Variants in HAUS8 observed in about 807,000 individuals in gnomAD.
The protein encoded by HAUS8 is HAUS augmin-like complex subunit 8.
In HAUS8, 38 loss-of-function variants were observed where a neutral mutation model predicts 42.9. That is an observed-to-expected ratio of 0.89 (90% CI 0.68 to 1.16). HAUS8 has a LOEUF of 1.16. HAUS8 is among the 50% of genes most tolerant of loss of function. The probability of loss-of-function intolerance (pLI) is 0.00; values close to 1 mark genes in which losing one functional copy is unlikely to be tolerated. For missense variants in HAUS8, 494 were observed against 511.6 expected (o/e 0.97, Z 0.33); for synonymous variants, 199 against 205.8 (o/e 0.97, Z 0.28).
intron 3 of HAUS8, among the ~76,000 whole-genome samples, chr19:17,064,059 G>A (rs906767971): frequency 2.4e-4 from 36 of 152,120 alleles, no homozygotes; most frequent in Admixed American, 2.2e-3. Flanking sequence ...CAGGACACAC[G>A]ATCAATATGT....
chr19:17,069,635 C>T (rs2057409298), intron 2 of HAUS8, among the ~76,000 whole-genome samples: 1 of 151,606 alleles, frequency 6.6e-6, no homozygotes, highest in Admixed American at 6.6e-5. Flanking sequence ...TCCAGGGCTA[C>T]TCCTGGGAGC....
chr19:17,061,089 T>G (rs2057358011), intron 4 of HAUS8, among the ~76,000 whole-genome samples: 1 of 151,894 alleles, frequency 6.6e-6, no homozygotes, highest in African/African-American at 2.4e-5. Context: ...GCACATGCCC[T>G]CAGGGCACAG....
At position 17,052,874 on chromosome 19, in the gene HAUS8, G is replaced by GT; in HGVS notation, c.879dup (p.Leu294ThrfsTer14). 6.2e-7 allele frequency: 1 copy of GT among 1,614,192 alleles called. No homozygotes were observed. Among genetic ancestry groups the GT allele is most frequent in the Non-Finnish European group, 8.5e-7 (1 of 1,180,030 alleles). The stretch of plus-strand genomic sequence containing the variant: ...GCCGTCACGTCCTTGAGTTCGCTCA[G>GT]TAAGTCCAGCACCTGCACATTTTCT... On this transcript the variant is annotated frameshift_variant, in exon 10 of 11. Coordinates refer to ENST00000253669, the MANE Select transcript of HAUS8 (RefSeq NM_033417.2). LOFTEE classifies it low-confidence loss of function (END_TRUNC).
At chr19:17,072,338 C>CTTTTTTT (rs71180355) in intron 2 of HAUS8, among the ~76,000 whole-genome samples, 17 of 87,530 alleles carry the variant, frequency 1.9e-4, no homozygotes, top group East Asian at 3.3e-4. Flanking sequence ...CGAGCATTTC[C>CTTTTTTT]TTTTTTTTTT....
In HAUS8 at chr19:17,058,571, A is replaced by C; in HGVS notation, c.623T>G (p.Leu208Arg). ...RLLLSQRKRELADVLDAQIEM... is the reference protein window; with the variant it reads ...RLLLSQRKRERADVLDAQIEM... ...GACCTGGGCATCCAGGACATCTGCC[A>C]GCTCCCGCTTCCTCTGAGAGAGGAG... The change falls in exon 8 of 11, where the codon CTG becomes CGG. Residue 208 changes from leucine (L) to arginine (R), a missense_variant. Transcript: ENST00000253669. 6.2e-7 allele frequency: 1 copy of C among 1,603,534 alleles called. No homozygotes were observed. Among genetic ancestry groups the C allele is most frequent in the Non-Finnish European group, 8.5e-7 (1 of 1,176,622 alleles).
chr19:17,073,180 A>G, intron 2 of HAUS8, 94 bp downstream of exon 2: 1 of 1,103,694 alleles, frequency 9.1e-7, no homozygotes, highest in Non-Finnish European at 1.4e-6. Context: ...GTAAAGCCAC[A>G]GGCCCCCTTC....
intron 8 of HAUS8, among the ~76,000 whole-genome samples, chr19:17,058,170 T>C (rs2057337299): frequency 6.6e-6 from 1 of 152,218 alleles, no homozygotes; most frequent in Non-Finnish European, 1.5e-5. Flanking sequence ...TTTGTTCCTG[T>C]CCTTCTCCCA....
chr19:17,071,144 C>A (rs982008800), intron 2 of HAUS8, among the ~76,000 whole-genome samples: 11 of 152,050 alleles, frequency 7.2e-5, no homozygotes, highest in African/African-American at 2.7e-4. Context: ...TGAAGAGGCC[C>A]GGGGAGAGTG....
intron 9 of HAUS8, 90 bp from the exon 10 acceptor site, chr19:17,053,056 G>A (rs2057297919): frequency 6.7e-7 from 1 of 1,496,318 alleles, no homozygotes. Context: ...CTTCTGTCAT[G>A]ATGCTCGGCT....
chr19:17,061,405 G>A (rs1319738775), intron 4 of HAUS8, among the ~76,000 whole-genome samples: 4 of 152,144 alleles, frequency 2.6e-5, no homozygotes, highest in Non-Finnish European at 4.4e-5. Flanking sequence ...CCAAAGTGCC[G>A]GGATTACAGG....
intron 3 of HAUS8, among the ~76,000 whole-genome samples, chr19:17,067,728 C>A (rs1242546742): frequency 6.6e-6 from 1 of 152,116 alleles, no homozygotes; most frequent in Non-Finnish European, 1.5e-5. Context: ...AAGGTATCCT[C>A]TTTTCTCAAG....
chr19:17,055,373 C>T (rs1255840985), intron 9 of HAUS8, among the ~76,000 whole-genome samples: 2 of 147,172 alleles, frequency 1.4e-5, no homozygotes, highest in African/African-American at 2.5e-5. Context: ...GAACCAAACT[C>T]CAGGGTAGCC....
chr19:17,053,914 C>T lies in HAUS8; in HGVS notation c.788-948G>A, dbSNP rs533299982. 4.9e-4 allele frequency among the ~76,000 whole-genome samples: 74 copies of T among 152,242 alleles called. No homozygotes were observed. The South Asian group carries it at 0.011, about 23-fold the overall frequency. On this transcript the variant is annotated intron_variant, in intron 9 of 10. Coordinates refer to ENST00000253669, the MANE Select transcript of HAUS8 (RefSeq NM_033417.2). ...TACTGACCTCGTGATCCACCCGCCTCAGCCTCCCAAAGTGCTGGCATAACA... is the reference window on the plus strand; with the variant it reads ...TACTGACCTCGTGATCCACCCGCCTTAGCCTCCCAAAGTGCTGGCATAACA...
chr19:17,052,750 A>AC (rs1311948528), intron 10 of HAUS8, 75 bp downstream of exon 10: 4 of 1,542,112 alleles, frequency 2.6e-6, no homozygotes, highest in Non-Finnish European at 3.6e-6. Flanking sequence ...ACTCGGCACC[A>AC]CCCCAACAGT....
chr19:17,059,323 CCT>C (rs902183008), intron 6 of HAUS8, among the ~76,000 whole-genome samples: 6 of 152,308 alleles, frequency 3.9e-5, no homozygotes, highest in African/African-American at 7.2e-5. Context: ...AGAGAAGTCC[CCT>C]GTCTCATTTT....
chr19:17,068,099 C>CTTTTTT (rs889723027), intron 3 of HAUS8, among the ~76,000 whole-genome samples: 8 of 93,508 alleles, frequency 8.6e-5, no homozygotes, highest in African/African-American at 1.3e-4. Context: ...TTATTTTATT[C>CTTTTTT]TTTTTTTTTT....
intron 2 of HAUS8, among the ~76,000 whole-genome samples, chr19:17,070,189 C>G (rs2057413154): frequency 6.6e-6 from 1 of 152,002 alleles, no homozygotes. Context: ...ATCCCGCCCC[C>G]CACAATCCAG....
intron 3 of HAUS8, among the ~76,000 whole-genome samples, chr19:17,067,383 T>G (rs564196056): frequency 6.6e-6 from 1 of 151,980 alleles, no homozygotes; most frequent in Non-Finnish European, 1.5e-5. Context: ...TGTGGTTGCC[T>G]GGGGGTGGGA....
chr19:17,055,136 AAAAAAAAATATATATATATATATATAT>A (rs2057313779), intron 9 of HAUS8: 3 of 32,814 alleles, frequency 9.1e-5, no homozygotes, highest in African/African-American at 3.7e-4. Flanking sequence ...AAAAAAAAAA[AAAAAAAAATATATATATATATATATAT>A]ATATATATAT....
Sources: allele counts gnomAD v4.1 joint callset (sites outside exome capture counted in the v4.1 genomes callset), GRCh38; gene constraint gnomAD v4.1.1; transcripts MANE v1.5; gene names NCBI Gene and HGNC (gene_info 2026-07-23, HGNC 2026-07-21).